Variants in MAB21L4 observed in about 807,000 individuals in gnomAD.
The protein encoded by MAB21L4 is protein mab-21-like 4.
Under a neutral mutation model 32.4 loss-of-function variants are expected in MAB21L4, and 25 were observed. The observed-to-expected ratio is 0.77, with a 90% CI of 0.56 to 1.08. The LOEUF (loss-of-function observed/expected upper bound fraction) is 1.08. Ranked by LOEUF, MAB21L4 falls within the 50% of genes least tolerant of loss-of-function variation. The probability of loss-of-function intolerance (pLI) is 0.00; values close to 1 mark genes in which losing one functional copy is unlikely to be tolerated. For missense variants in MAB21L4, 638 were observed against 611.0 expected (o/e 1.04, Z -0.47); for synonymous variants, 280 against 276.8 (o/e 1.01, Z -0.11).
intron 2 of MAB21L4, 111 bp from the exon 3 acceptor site, chr2:240,890,269 G>A (rs577882119): frequency 7.0e-5 from 93 of 1,336,220 alleles, no homozygotes; most frequent in Admixed American, 5.4e-4. Context: ...GCTGTGCTGC[G>A]TCTGCTGGTG....
chr2:240,893,233 G>A (rs1281996527), intron 1 of MAB21L4, among the ~76,000 whole-genome samples: 3 of 152,200 alleles, frequency 2.0e-5, no homozygotes, highest in Non-Finnish European at 4.4e-5. Context: ...CCGCCCCAGG[G>A]TCCTTCCGGA....
At chr2:240,895,076 A>G (rs759685205) in intron 1 of MAB21L4, among the ~76,000 whole-genome samples, 7 of 152,192 alleles carry the variant, frequency 4.6e-5, no homozygotes, top group African/African-American at 1.4e-4. Context: ...ACAGGCTGTG[A>G]CTGGCAAGAG....
rs761199177 is a variant in MAB21L4, at chr2:240,895,768, T to C, written c.230A>G (p.Asp77Gly). Residue 77 changes from aspartate to glycine, a missense_variant, in exon 1 of 5, where the codon GAC becomes GGC. Asp to Gly is a moderately conservative substitution (Grantham distance 94, BLOSUM62 -1). Coordinates refer to ENST00000388934, the MANE Select transcript of MAB21L4 (RefSeq NM_001085437.3). The stretch of plus-strand genomic sequence containing the variant: ...CAGGGGCACCTCCATGTCCATTGGG[T>C]CCTCAGAGGAGCGCAGGGCGAACTG... Reference protein sequence around the residue: ...AFQFALRSSEDPMDMEVPLWV... With the variant: ...AFQFALRSSEGPMDMEVPLWV... The C allele has an allele frequency of 2.5e-6, 4 of 1,611,674 alleles. No individual in the cohort carries two copies. Among genetic ancestry groups the C allele is most frequent in the Non-Finnish European group, 2.5e-6 (3 of 1,179,266 alleles).
At chr2:240,895,360 C>T (rs1255524071) in intron 1 of MAB21L4, 124 bp downstream of exon 1, 4 of 946,686 alleles carry the variant, frequency 4.2e-6, no homozygotes, top group South Asian at 1.7e-5. Flanking sequence ...AGAAGACAGT[C>T]GCCACCCTGT....
intron 3 of MAB21L4, among the ~76,000 whole-genome samples, chr2:240,889,101 C>T (rs186015446): frequency 1.7e-4 from 26 of 152,272 alleles, no homozygotes; most frequent in Admixed American, 1.6e-3. Flanking sequence ...ACCTGAGCTG[C>T]CTGCGGCCGT....
chr2:240,896,447 A>G (rs1484829348), upstream of MAB21L4, among the ~76,000 whole-genome samples: 1 of 152,084 alleles, frequency 6.6e-6, no homozygotes, highest in Non-Finnish European at 1.5e-5. Context: ...CCCACAGCCC[A>G]GGGGCCGGGT....
At position 240,891,605 on chromosome 2, in the gene MAB21L4, C is replaced by T. The variant is rs1364257739; in HGVS notation, c.673G>A (p.Glu225Lys). ...CTGAGGATCCTTCTCAAGCTGCCCT[C>T]AGGGAATCCGGGCATCTGCTGCACC... is the stretch of plus-strand genomic sequence containing the variant. ...EGVQQMPGFP[E>K]GSLRRILSQG... Residue 225 changes from glutamate (E) to lysine (K), a missense_variant, in exon 2 of 5, where the codon GAG becomes AAG. By Grantham distance (56) the Glu-to-Lys change is moderately conservative. Transcript: ENST00000388934. 1 of 1,610,038 alleles carries T rather than the reference C, an allele frequency of 6.2e-7. No individual in the cohort carries two copies. Among genetic ancestry groups the T allele is most frequent in the Non-Finnish European group, 8.5e-7 (1 of 1,179,972 alleles).
intron 1 of MAB21L4, among the ~76,000 whole-genome samples, chr2:240,894,225 G>A (rs11681322): frequency 0.18 from 27,394 of 151,896 alleles, 2,746 homozygotes; most frequent in East Asian, 0.31. Flanking sequence ...GACCCCACCC[G>A]CTGACCTCAC....
rs776963210 is a variant in MAB21L4, at chr2:240,891,872, C to A, written c.515-109G>T. The A allele has an allele frequency of 4.4e-6, 7 of 1,580,400 alleles. No homozygotes were observed. In the South Asian group the frequency reaches 8.0e-5, roughly 18 times the overall value. ...GGCCCCTGCCCCTCATCACCTCTCA[C>A]CTGCAGCCCTCTCTGCTGGCCCCCA... On this transcript the variant is annotated intron_variant, in intron 1 of 4. Transcript: ENST00000388934.
In MAB21L4 at chr2:240,895,711, T is replaced by C. The variant is rs1353596299; in HGVS notation, c.287A>G (p.Glu96Gly). Residue 96 changes from glutamate to glycine, a missense_variant, in exon 1 of 5, where the codon GAA becomes GGA. Physicochemically the swap from Glu to Gly is moderately conservative, Grantham distance 98. Coordinates refer to ENST00000388934, the MANE Select transcript of MAB21L4 (RefSeq NM_001085437.3). ...WVDAEALLIE[E>G]PEATQPEDGL... ...ATCCTCCGGCTGGGTGGCCTCTGGT[T>C]CCTCAATCAGTAGAGCCTCGGCATC... 5.6e-6 allele frequency: 9 copies of C among 1,612,754 alleles called. No individual in the cohort carries two copies. The highest frequency in any genetic ancestry group is 6.8e-6 in the Non-Finnish European group (8 of 1,179,990).
intron 1 of MAB21L4, among the ~76,000 whole-genome samples, chr2:240,895,104 C>T (rs546322639): frequency 3.9e-5 from 6 of 152,336 alleles, no homozygotes; most frequent in East Asian, 3.9e-4. Context: ...TGCCCAGAGC[C>T]GTGTGAGGGA....
rs749256148 is a variant in MAB21L4, at chr2:240,891,672, C to G, written c.606G>C (p.Val202=). 6.2e-7 allele frequency: 1 copy of G among 1,609,278 alleles called. No homozygotes were observed. The highest frequency in any genetic ancestry group is 8.5e-7 in the Non-Finnish European group (1 of 1,179,980). The change falls in exon 2 of 5, where the codon GTG becomes GTC. Residue 202 remains valine, a synonymous_variant. Transcript: ENST00000388934. ...SGWRTISFHV[V]PVVRRKLGAP... ...CCCCAAGCTTCCTTCTCACCACGGGCACCACGTGGAAGCTGATTGTTCTCC... is the reference window on the plus strand; with the variant it reads ...CCCCAAGCTTCCTTCTCACCACGGGGACCACGTGGAAGCTGATTGTTCTCC...
chr2:240,890,236 G>T (rs772295465), intron 2 of MAB21L4, 78 bp from the exon 3 acceptor site: 179 of 1,513,168 alleles, frequency 1.2e-4, no homozygotes, highest in Non-Finnish European at 1.6e-4. Context: ...AGCCCCGGAG[G>T]TTCGGGCCCT....
In MAB21L4 at chr2:240,888,371, C is replaced by G; in HGVS notation, c.1172G>C (p.Gly391Ala). Reference protein sequence around the residue: ...GRSPPPRIGSGLKALLQLPAS... With the variant: ...GRSPPPRIGSALKALLQLPAS... Reference sequence around the variant, plus strand: ...TGGCAGCTGCAGGAGCGCCTTGAGCCCGGAGCCGATGCGCGGCGGGGGGCT... The same window carrying G: ...TGGCAGCTGCAGGAGCGCCTTGAGCGCGGAGCCGATGCGCGGCGGGGGGCT... The change falls in exon 4 of 5, where the codon GGG (glycine) becomes GCG (alanine). Residue 391 changes from glycine to alanine, a missense_variant. Transcript: ENST00000388934. 1 of 1,570,602 alleles carries G rather than the reference C, an allele frequency of 6.4e-7. No homozygotes were observed. The highest frequency in any genetic ancestry group is 1.4e-5 in the African/African-American group (1 of 72,930).
chr2:240,887,134 T>G lies in MAB21L4; in HGVS notation c.1280A>C (p.Asp427Ala). Reference sequence around the variant, plus strand: ...GATGCTCTGCATGGCAGAGATCCGGTCCTTATCCTGGATGTTGAAGACCTG... The same window carrying G: ...GATGCTCTGCATGGCAGAGATCCGGGCCTTATCCTGGATGTTGAAGACCTG... ...KFQVFNIQDK[D>A]RISAMQSIFQ... Residue 427 changes from aspartate (D) to alanine (A), a missense_variant, in exon 5 of 5, where the codon GAC becomes GCC. Transcript: ENST00000388934. The G allele has an allele frequency of 6.2e-7, 1 of 1,614,128 alleles. No homozygotes were observed. Among genetic ancestry groups the G allele is most frequent in the Non-Finnish European group, 8.5e-7 (1 of 1,180,010 alleles).
intron 4 of MAB21L4, among the ~76,000 whole-genome samples, chr2:240,887,612 A>G (rs2106436300): frequency 6.6e-6 from 1 of 152,342 alleles, no homozygotes; most frequent in Middle Eastern, 3.4e-3. Context: ...AGGATAGGAG[A>G]TGCCCAGCAG....
upstream of MAB21L4, among the ~76,000 whole-genome samples, chr2:240,896,503 G>A (rs2059188322): frequency 6.6e-6 from 1 of 152,144 alleles, no homozygotes; most frequent in Non-Finnish European, 1.5e-5. Flanking sequence ...CAGGTTGGAG[G>A]GAACACAAGG....
chr2:240,894,684 A>G (rs1327968456), intron 1 of MAB21L4, among the ~76,000 whole-genome samples: 1 of 152,228 alleles, frequency 6.6e-6, no homozygotes, highest in Non-Finnish European at 1.5e-5. Context: ...CCATGCCTGT[A>G]ATCCCAGCTA....
rs757923540 is a variant in MAB21L4 at position 240,890,073 on chromosome 2, C to T, written c.826G>A (p.Asp276Asn). Residue 276 changes from aspartate to asparagine, a missense_variant, in exon 3 of 5, where the codon GAC (aspartate) becomes AAC (asparagine). By Grantham distance (23) the Asp-to-Asn change is conservative. Transcript: ENST00000388934. The stretch of plus-strand genomic sequence containing the variant: ...CGCCAGCTCTCGTGGTTGACCCGGT[C>T]GAGGATGGAGAGGCTGTCCAGGCGA... ...GHRLDSLSILDRVNHESWRDS... is the reference protein window; with the variant it reads ...GHRLDSLSILNRVNHESWRDS... 4.3e-6 allele frequency: 7 copies of T among 1,613,324 alleles called. No individual in the cohort carries two copies. The highest frequency in any genetic ancestry group is 4.0e-5 in the African/African-American group (3 of 74,914).
Sources: gnomAD v4.1 joint callset for allele counts (sites outside exome capture counted in the v4.1 genomes callset) on GRCh38, gnomAD v4.1.1 for gene constraint, MANE v1.5 for transcripts, NCBI Gene and HGNC (gene_info 2026-07-23, HGNC 2026-07-21) for gene names.